The following NNMT variants were observed in gnomAD, a reference collection of about 807,000 sequenced individuals.
NNMT encodes the protein nicotinamide N-methyltransferase.
In NNMT, 10 loss-of-function variants were observed where a neutral mutation model predicts 11.7. That is an observed-to-expected ratio of 0.85 (90% CI 0.53 to 1.45). The LOEUF (loss-of-function observed/expected upper bound fraction) is 1.45. Among genes scored for constraint, NNMT ranks in the 40% most tolerant of loss-of-function variants. NNMT has a pLI of 0.00. For synonymous variants in NNMT, 143 were observed against 133.8 expected (o/e 1.07, Z -0.48); for missense variants, 381 against 319.4 (o/e 1.19, Z -1.47).
upstream of NNMT, among the ~76,000 whole-genome samples, chr11:114,291,697 G>T (rs533669518): frequency 6.4e-4 from 97 of 152,170 alleles, 1 homozygote; most frequent in South Asian, 0.017. Flanking sequence ...GCTTTTTGAT[G>T]CTTGGTTCTG....
chr11:114,280,726 C>G (rs555882167), intron 2 of NNMT, among the ~76,000 whole-genome samples: 32 of 152,264 alleles, frequency 2.1e-4, no homozygotes, highest in African/African-American at 5.3e-4. Flanking sequence ...TGGCTGCAGG[C>G]ACCTGACCAA....
chr11:114,309,775 T>G (rs1945532980), intron 2 of NNMT, among the ~76,000 whole-genome samples: 1 of 152,192 alleles, frequency 6.6e-6, no homozygotes, highest in South Asian at 2.1e-4. Context: ...TAGCAGCCAC[T>G]CCCATTTCTC....
intron 1 of NNMT, among the ~76,000 whole-genome samples, chr11:114,259,360 G>GGGGC (rs1945056608): frequency 7.5e-6 from 1 of 132,694 alleles, no homozygotes; most frequent in African/African-American, 3.5e-5. Flanking sequence ...GGGGGGGGGA[G>GGGGC]CTCCTGCATC....
At chr11:114,310,738 T>G (rs1053484817) in intron 2 of NNMT, among the ~76,000 whole-genome samples, 2 of 152,150 alleles carry the variant, frequency 1.3e-5, no homozygotes, top group African/African-American at 4.8e-5. Context: ...CTTCCAAGAG[T>G]GCAATACCCA....
chr11:114,258,367 A>G (rs1447538368), intron 1 of NNMT, among the ~76,000 whole-genome samples: 1 of 152,236 alleles, frequency 6.6e-6, no homozygotes, highest in African/African-American at 2.4e-5. Flanking sequence ...ACCAAAGTGG[A>G]GAGCTGAGGC....
At position 114,278,890 on chromosome 11, in the gene NNMT, G is replaced by A. The variant is rs1383961462; in HGVS notation, c.-130+15956G>A. On this transcript the variant is annotated intron_variant, in intron 2 of 4. Coordinates refer to the NNMT transcript ENST00000535401. ...TGCAGCCAGAAAGCTGCTATGGGAT[G>A]GGAAGGCATAAGGCAAAGAACAAGG... 2.6e-5 allele frequency among the ~76,000 whole-genome samples: 4 copies of A among 152,294 alleles called. 1 individual carries two copies. The South Asian group carries it at 6.2e-4, about 24-fold the overall frequency.
At chr11:114,268,231 T>C (rs1350693637) in intron 2 of NNMT, among the ~76,000 whole-genome samples, 1 of 152,216 alleles carries the variant, frequency 6.6e-6, no homozygotes, top group Non-Finnish European at 1.5e-5. Flanking sequence ...TGTTTCCTCT[T>C]ACAGGGTCCC....
At chr11:114,278,054 G>A (rs978988869) in intron 2 of NNMT, among the ~76,000 whole-genome samples, 13 of 152,164 alleles carry the variant, frequency 8.5e-5, no homozygotes, top group Admixed American at 1.3e-4. Context: ...TTGCAATGCC[G>A]TAAAGGAATA....
chr11:114,292,354 A>G (rs1054137108), upstream of NNMT, among the ~76,000 whole-genome samples: 2 of 152,336 alleles, frequency 1.3e-5, no homozygotes, highest in East Asian at 1.9e-4. Flanking sequence ...AACATAAGCA[A>G]TGATGGTGTT....
rs1420454092 is a variant in NNMT at position 114,311,938 on chromosome 11, A to G, written c.363-107A>G. On this transcript the variant is annotated intron_variant, in intron 2 of 2. Coordinates refer to ENST00000299964, the MANE Select transcript of NNMT (RefSeq NM_006169.3). ...CTCCTTTCCCGATAGAGGTGGCCCT[A>G]AGGACACACATCTGGGACAATACGG... is the stretch of plus-strand genomic sequence containing the variant. 2.5e-6 allele frequency: 3 copies of G among 1,202,586 alleles called. No homozygotes were observed. The Admixed American group carries it at 7.5e-5, about 30-fold the overall frequency. The allele number at this position is 1,202,586 out of a possible 1,614,324, so 74.5% of individuals were successfully genotyped here.
intron 2 of NNMT, among the ~76,000 whole-genome samples, chr11:114,280,662 ATG>A (rs1472993843): frequency 1.3e-5 from 2 of 152,078 alleles, no homozygotes; most frequent in African/African-American, 2.4e-5. Flanking sequence ...ATCCTGCTGA[ATG>A]TGTGTCTCTG....
intron 2 of NNMT, 42 bp from the exon 3 acceptor site, chr11:114,312,003 G>T: frequency 6.6e-7 from 1 of 1,523,982 alleles, no homozygotes; most frequent in South Asian, 1.3e-5. Flanking sequence ...GGTTCCCCAT[G>T]ACTGGAGTGG....
Position 114,312,084 on chromosome 11 carries a change from G to T in NNMT, c.402G>T (p.Ala134=). 6.3e-7 allele frequency: 1 copy of T among 1,595,546 alleles called. No homozygotes were observed. Among genetic ancestry groups the T allele is most frequent in the South Asian group, 1.1e-5 (1 of 89,654 alleles). Residue 134 remains alanine (A), a synonymous_variant, in exon 3 of 3, where the codon GCG becomes GCT. Transcript: ENST00000299964. ...AGAAGGAGGAGAAGTTGAGACAGGC[G>T]GTCAAGCAGGTGCTGAAGTGTGATG... The part of the protein sequence containing the change: ...GPEKEEKLRQ[A]VKQVLKCDVT...
At position 114,312,847 on chromosome 11, in the gene NNMT, T is replaced by C. The variant is rs1317356087; in HGVS notation, c.*370T>C. On this transcript the variant is annotated 3_prime_UTR_variant, in exon 3 of 3. Transcript: ENST00000299964. ...CTAAGGGGGCACTGCTGGCTCCTTC[T>C]CTCCCAGGAATGGGCTTCTCCTATT... The C allele has an allele frequency of 1.0e-5, 2 of 193,042 alleles. No individual in the cohort carries two copies. The highest frequency in any genetic ancestry group is 4.6e-5 in the African/African-American group (2 of 43,200). The allele number at this position is 193,042 out of a possible 1,614,324, so 12.0% of individuals were successfully genotyped here.
rs1332954421 is a variant in NNMT at position 114,258,257 on chromosome 11, C to T, written c.-217+379C>T. Among the ~76,000 whole-genome samples, 9 of 152,214 alleles carry T rather than the reference C, an allele frequency of 5.9e-5. No homozygotes were observed. In the East Asian group the frequency reaches 1.7e-3, roughly 29 times the overall value. ...TCTCCAGGGACCTTAAGCGGGAGCT[C>T]CCCGCATGCCCTGTAGTCCTGGCTG... On this transcript the variant is annotated intron_variant, in intron 1 of 4. Coordinates refer to the NNMT transcript ENST00000535401.
chr11:114,312,186 C>T lies in NNMT; in HGVS notation c.504C>T (p.Ala168=), dbSNP rs375449921. The T allele has an allele frequency of 2.0e-5, 32 of 1,614,088 alleles. No individual in the cohort carries two copies. The highest frequency in any genetic ancestry group is 3.3e-5 in the Admixed American group (2 of 60,012). Residue 168 remains alanine, a synonymous_variant, in exon 3 of 3, where the codon GCC becomes GCT. Transcript: ENST00000299964. ...TGCTCAGCACACTGTGTCTGGATGC[C>T]GCCTGCCCAGACCTCCCCACCTACT... ...DCVLSTLCLD[A]ACPDLPTYCR... is the part of the protein sequence containing the mutation.
upstream of NNMT, among the ~76,000 whole-genome samples, chr11:114,292,051 T>C (rs1263255224): frequency 3.3e-5 from 5 of 152,210 alleles, no homozygotes; most frequent in African/African-American, 1.2e-4. Flanking sequence ...TTCTCCTCTA[T>C]GCTCGATGTC....
In NNMT at chr11:114,287,732, T is replaced by C. The variant is rs912011004; in HGVS notation, c.-129-8696T>C. ...AGTAACTACTCTTGGCCCTTGGCAC[T>C]GTCATATAAATTTTAGAGCCAGCTT... On this transcript the variant is annotated intron_variant, in intron 2 of 4. Coordinates refer to the NNMT transcript ENST00000535401. 2.6e-5 allele frequency among the ~76,000 whole-genome samples: 4 copies of C among 152,222 alleles called. No individual in the cohort carries two copies. In the South Asian group the frequency reaches 6.2e-4, roughly 24 times the overall value.
rs140363165 is a variant in NNMT, at chr11:114,301,716, A to G, written c.362+3558A>G. 7.6e-3 allele frequency among the ~76,000 whole-genome samples: 1,162 copies of G among 152,160 alleles called. 7 individuals carry two copies. The highest frequency in any genetic ancestry group is 0.027 in the African/African-American group (1,102 of 41,536). The stretch of plus-strand genomic sequence containing the variant: ...CACATGTCATTATATATTTGTCCAA[A>G]TCCATGGAATGTACAATACCAAGAG... On this transcript the variant is annotated intron_variant, in intron 2 of 2. Coordinates refer to ENST00000299964, the MANE Select transcript of NNMT (RefSeq NM_006169.3).
Sources: gnomAD v4.1 joint callset for allele counts (sites outside exome capture counted in the v4.1 genomes callset) on GRCh38, gnomAD v4.1.1 for gene constraint, MANE v1.5 for transcripts, NCBI Gene and HGNC (gene_info 2026-07-23, HGNC 2026-07-21) for gene names.